Variants in RLF observed in about 807,000 individuals in gnomAD.
RLF encodes the protein zinc finger protein Rlf.
In RLF, 7 loss-of-function variants were observed where a neutral mutation model predicts 162.9. The observed-to-expected ratio is 0.04, with a 90% CI of 0.02 to 0.08. The LOEUF (loss-of-function observed/expected upper bound fraction) is 0.08, where lower values mean the gene tolerates loss of function less well. Among genes scored for constraint, RLF ranks in the 10% least tolerant of loss-of-function variants. The pLI is 1.00. For missense variants in RLF, 1,664 were observed against 2,244.7 expected, an observed-to-expected ratio of 0.74 and a Z score of 5.23; for synonymous variants, 782 against 791.5, an observed-to-expected ratio of 0.99 and a Z score of 0.20.
rs1055795714 is a variant in RLF, at chr1:40,195,574, G to C, written c.475-58G>C. On this transcript the variant is annotated intron_variant, in intron 3 of 7. Coordinates refer to ENST00000372771, the MANE Select transcript of RLF (RefSeq NM_012421.4). ...CTAGGTGTATCAGATATGTTGAAAA[G>C]GCAAAACTAATTTTTATATTGTTAA... 38 of 1,491,602 alleles carry C rather than the reference G, an allele frequency of 2.5e-5. No homozygotes were observed. In the African/African-American group the frequency reaches 4.2e-4, roughly 17 times the overall value. The allele number at this position is 1,491,602 out of a possible 1,614,324, so 92.4% of individuals were successfully genotyped here.
At chr1:40,196,539 C>T (rs1054635354) in intron 4 of RLF, among the ~76,000 whole-genome samples, 1 of 152,120 alleles carries the variant, frequency 6.6e-6, no homozygotes, top group African/African-American at 2.4e-5. Flanking sequence ...AGGTTTTACT[C>T]TGCTACCCAG....
intron 1 of RLF, among the ~76,000 whole-genome samples, chr1:40,185,512 T>G (rs1642462612): frequency 3.1e-5 from 1 of 32,160 alleles, no homozygotes; most frequent in Non-Finnish European, 5.9e-5. Flanking sequence ...AACCTAATCT[T>G]GCATTAAAAA....
Position 40,236,319 on chromosome 1 carries a change from A to G in RLF, c.1617A>G (p.Lys539=). The part of the protein sequence containing the change: ...TDQHKEKRDK[K]PIGSSERYQR... The stretch of plus-strand genomic sequence containing the variant: ...AGCATAAGGAGAAAAGAGACAAAAA[A>G]CCTATTGGCTCTTCTGAAAGATATC... The change falls in exon 8 of 8, where the codon AAA becomes AAG. Residue 539 remains lysine (K), a synonymous_variant. Transcript: ENST00000372771. This position sits in a 1 kb window ranked among gnomAD's most constrained non-coding sequence, Gnocchi z 7.7. The G allele has an allele frequency of 6.2e-7, 1 of 1,613,892 alleles. No individual in the cohort carries two copies. Among genetic ancestry groups the G allele is most frequent in the Non-Finnish European group, 8.5e-7 (1 of 1,179,960 alleles).
chr1:40,170,369 T>C (rs1216384879), intron 1 of RLF, among the ~76,000 whole-genome samples: 1 of 152,136 alleles, frequency 6.6e-6, no homozygotes, highest in Non-Finnish European at 1.5e-5. Flanking sequence ...CTTAGGCAGT[T>C]GTCCCAACCC....
intron 5 of RLF, among the ~76,000 whole-genome samples, chr1:40,209,941 T>C (rs1642845966): frequency 6.6e-6 from 1 of 152,150 alleles, no homozygotes; most frequent in Non-Finnish European, 1.5e-5. Flanking sequence ...ATTTATTTAT[T>C]TGCAGTATCA....
At chr1:40,163,272 T>TAG (rs1391951414) in intron 1 of RLF, among the ~76,000 whole-genome samples, 1 of 151,504 alleles carries the variant, frequency 6.6e-6, no homozygotes, top group African/African-American at 2.4e-5. Flanking sequence ...GTGCCAAAGG[T>TAG]AGAGATTGGT....
At chr1:40,219,978 G>A (rs1642970582) in intron 5 of RLF, among the ~76,000 whole-genome samples, 1 of 152,172 alleles carries the variant, frequency 6.6e-6, no homozygotes, top group African/African-American at 2.4e-5. Flanking sequence ...CAGGTGCGGT[G>A]GCTCACGCCT....
In RLF at chr1:40,195,756, C is replaced by T. The variant is rs145073092; in HGVS notation, c.599C>T (p.Thr200Met). Residue 200 changes from threonine to methionine, a missense_variant, in exon 4 of 8, where the codon ACG becomes ATG. Around this residue, in one of 15 missense-constraint regions of RLF, gnomAD observed 287 missense variants for 404.9 expected, o/e 0.71. Coordinates refer to ENST00000372771, the MANE Select transcript of RLF (RefSeq NM_012421.4). ...LKILSQQPVE[T>M]EEVNKLIAQE... The stretch of plus-strand genomic sequence containing the variant: ...ATTCTGTCTCAACAGCCAGTAGAAA[C>T]GGAGGAAGGTAAGTCTTAAGACTAT... 1.1e-5 allele frequency: 17 copies of T among 1,613,172 alleles called. No individual in the cohort carries two copies. The highest frequency in any genetic ancestry group is 5.5e-5 in the South Asian group (5 of 90,976).
rs780719118 is a variant in RLF, at chr1:40,237,671, C to T, written c.2969C>T (p.Thr990Met). Residue 990 changes from threonine to methionine, a missense_variant, in exon 8 of 8, where the codon ACG becomes ATG. Thr to Met is a moderately conservative substitution (Grantham distance 81). This residue lies in a region of RLF where 295 missense variants were observed against 317.4 expected (regional missense o/e 0.93). Transcript: ENST00000372771. The surrounding 1 kb of genome is among the most constrained non-coding windows in gnomAD (Gnocchi z 4.4). ...CATTTCAAGCCCAAAAAGATAAAGA[C>T]GAAAGATCTGTTTCCCTCTTTGGGT... ...PYHFKPKKIK[T>M]KDLFPSLGNE... is the part of the protein sequence containing the mutation. 3.2e-5 allele frequency: 51 copies of T among 1,613,960 alleles called. No individual in the cohort carries two copies. Among genetic ancestry groups the T allele is most frequent in the Middle Eastern group, 1.6e-4 (1 of 6,084 alleles).
At chr1:40,191,030 A>T (rs983366984) in intron 3 of RLF, among the ~76,000 whole-genome samples, 177 bp downstream of exon 3, 7 of 152,168 alleles carry the variant, frequency 4.6e-5, no homozygotes, top group African/African-American at 1.7e-4. Flanking sequence ...TGGGTTTTTT[A>T]AATTTGGTTT....
At chr1:40,190,731 T>G (rs1416852378) in intron 2 of RLF, 41 bp from the exon 3 acceptor site, 1 of 1,261,078 alleles carries the variant, frequency 7.9e-7, no homozygotes, top group Middle Eastern at 1.9e-4. Flanking sequence ...ACTTAATTAT[T>G]ACTATAACCA....
intron 1 of RLF, among the ~76,000 whole-genome samples, chr1:40,188,475 T>G (rs996472784): frequency 6.6e-6 from 1 of 152,182 alleles, no homozygotes; most frequent in Admixed American, 6.5e-5. Flanking sequence ...GTAATTTTCT[T>G]CATAAACTTT....
In RLF at chr1:40,240,502, T is replaced by G; in HGVS notation, c.*55T>G. On this transcript the variant is annotated 3_prime_UTR_variant, in exon 8 of 8. Transcript: ENST00000372771. ...CTCCAACACTGCAACATGGGGACAT[T>G]TGCCAACTCGAACAAAGGCTGAGAA... The G allele has an allele frequency of 7.6e-7, 1 of 1,307,200 alleles. No individual in the cohort carries two copies. The highest frequency in any genetic ancestry group is 2.0e-5 in the Admixed American group (1 of 51,066). The allele number at this position is 1,307,200 out of a possible 1,614,324, so 81.0% of individuals were successfully genotyped here.
rs116457543 is a variant in RLF at position 40,186,283 on chromosome 1, T to A, written c.238-2772T>A. 9.4e-3 allele frequency among the ~76,000 whole-genome samples: 1,425 copies of A among 151,282 alleles called. 20 individuals carry two copies. The highest frequency in any genetic ancestry group is 0.032 in the African/African-American group (1,319 of 41,250). ...GATAGAATGAGACTCTATCTCAATT[T>A]AAAAAAAAAGTGATAATGAAGAAGA... On this transcript the variant is annotated intron_variant, in intron 1 of 7. Coordinates refer to ENST00000372771, the MANE Select transcript of RLF (RefSeq NM_012421.4).
At chr1:40,229,310 C>A (rs534916671) in intron 6 of RLF, among the ~76,000 whole-genome samples, 11 of 152,264 alleles carry the variant, frequency 7.2e-5, no homozygotes, top group African/African-American at 2.6e-4. Flanking sequence ...ATTTTCACAG[C>A]TGGCCTATCT....
chr1:40,240,114 C>T lies in RLF; in HGVS notation c.5412C>T (p.Ser1804=). 3 of 1,614,072 alleles carry T rather than the reference C, an allele frequency of 1.9e-6. No individual in the cohort carries two copies. The South Asian group carries it at 3.3e-5, about 18-fold the overall frequency. ...EHLTLSNSSQ[S]SNDLTGNVVA... is the part of the protein sequence containing the mutation. ...TAACATTAAGTAATTCTTCACAGTCCAGTAATGATTTAACAGGGAATGTTG... is the reference window on the plus strand; with the variant it reads ...TAACATTAAGTAATTCTTCACAGTCTAGTAATGATTTAACAGGGAATGTTG... The change falls in exon 8 of 8, where the codon TCC becomes TCT. Residue 1804 remains serine, a synonymous_variant. Transcript: ENST00000372771.
rs761133694 is a variant in RLF at position 40,238,687 on chromosome 1, C to T, written c.3985C>T (p.Arg1329Cys). The T allele has an allele frequency of 1.9e-6, 3 of 1,613,440 alleles. No individual in the cohort carries two copies. The highest frequency in any genetic ancestry group is 1.3e-5 in the African/African-American group (1 of 74,876). The change falls in exon 8 of 8, where the codon CGC (arginine) becomes TGC (cysteine). Residue 1329 changes from arginine (R) to cysteine (C), a missense_variant. This residue lies in a region of RLF where 33 missense variants were observed against 73.3 expected (regional missense o/e 0.45). Transcript: ENST00000372771. This position sits in a 1 kb window ranked among gnomAD's most constrained non-coding sequence, Gnocchi z 5.2. ...ATTCACCAATCTAAAAGGCTTAATT[C>T]GCCATTACAGAACTGTACATCAGTA... is the stretch of plus-strand genomic sequence containing the variant. ...SSFTNLKGLI[R>C]HYRTVHQYNK...
At position 40,201,421 on chromosome 1, in the gene RLF, C is replaced by T. The variant is rs951133720; in HGVS notation, c.608-991C>T. Among the ~76,000 whole-genome samples the T allele has an allele frequency of 1.5e-4, 22 of 151,562 alleles. No individual in the cohort carries two copies. The East Asian group carries it at 2.0e-3, about 13-fold the overall frequency. ...CGGGTGGATCATGAGGTCAGGAGAT[C>T]GAGACCATCCTGGCTAACAACGGTG... On this transcript the variant is annotated intron_variant, in intron 4 of 7. Coordinates refer to ENST00000372771, the MANE Select transcript of RLF (RefSeq NM_012421.4).
At position 40,237,977 on chromosome 1, in the gene RLF, G is replaced by A. The variant is rs770904659; in HGVS notation, c.3275G>A (p.Gly1092Asp). ...TCATTGCAGGGGTACCCATCCAGTG[G>A]TGCTAAGTCTCTTCAGTCAGTTTCA... ...SGSLQGYPSSGAKSLQSVSSI... is the reference protein window; with the variant it reads ...SGSLQGYPSSDAKSLQSVSSI... Residue 1092 changes from glycine (G) to aspartate (D), a missense_variant, in exon 8 of 8, where the codon GGT becomes GAT. Coordinates refer to ENST00000372771, the MANE Select transcript of RLF (RefSeq NM_012421.4). This position sits in a 1 kb window ranked among gnomAD's most constrained non-coding sequence, Gnocchi z 4.4. The A allele has an allele frequency of 5.0e-6, 8 of 1,614,066 alleles. No homozygotes were observed. In the Admixed American group the frequency reaches 1.2e-4, roughly 24 times the overall value.
Sources: gnomAD v4.1 joint callset for allele counts (sites outside exome capture counted in the v4.1 genomes callset) on GRCh38, gnomAD v4.1.1 for gene constraint, gnomAD v4.1.1 regional missense constraint, Gnocchi (gnomAD v3.1) non-coding constraint, MANE v1.5 for transcripts, NCBI Gene and HGNC (gene_info 2026-07-23, HGNC 2026-07-21) for gene names.